CDKN2B-AS1: variants seen among roughly 807,000 people sequenced by gnomAD.
The protein encoded by CDKN2B-AS1 is CDKN2B antisense RNA 1 (non-protein coding).
intron 4 of CDKN2B-AS1, among the ~76,000 whole-genome samples, chr9:22,080,622 T>C (rs909340905): frequency 2.0e-5 from 3 of 152,268 alleles, no homozygotes; most frequent in Non-Finnish European, 2.9e-5. Flanking sequence ...TCCTGTGTTT[T>C]ACCACATCAC....
At chr9:22,008,952 A>C in intron 1 of CDKN2B-AS1, 1 of 1,613,036 alleles carries the variant, frequency 6.2e-7, no homozygotes, top group Non-Finnish European at 8.5e-7. Flanking sequence ...CTCCTCGCGC[A>C]TTCCGCAGCC....
intron 1 of CDKN2B-AS1, among the ~76,000 whole-genome samples, chr9:22,017,144 T>G (rs1410942404): frequency 1.3e-5 from 2 of 152,196 alleles, no homozygotes; most frequent in Non-Finnish European, 2.9e-5. Context: ...ATAAGGAAGT[T>G]GGCGAGGCGC....
intron 1 of CDKN2B-AS1, among the ~76,000 whole-genome samples, chr9:22,037,552 G>A (rs1277336435): frequency 6.6e-6 from 1 of 152,062 alleles, no homozygotes; most frequent in East Asian, 1.9e-4. Context: ...AAACAGGGCA[G>A]GCATCTTCAA....
In CDKN2B-AS1 at chr9:22,094,153, T is replaced by C. The variant is rs182808264; in HGVS notation, n.439-32950T>C. On this transcript the variant is annotated intron_variant and non_coding_transcript_variant, in intron 4 of 4. Coordinates refer to ENST00000650946, the Ensembl canonical transcript of CDKN2B-AS1. ...GAATGTTGAATATTGGCCCCCACTCTCTTCTGGCTTGTAGAGTTTCTACCG... is the reference window on the plus strand; with the variant it reads ...GAATGTTGAATATTGGCCCCCACTCCCTTCTGGCTTGTAGAGTTTCTACCG... Among the ~76,000 whole-genome samples the C allele has an allele frequency of 4.8e-5, 7 of 144,720 alleles. 1 individual carries two copies. The East Asian group carries it at 1.4e-3, about 28-fold the overall frequency. The allele number at this position is 144,720 out of a possible 152,430, so 94.9% of individuals were successfully genotyped here.
chr9:22,040,327 A>T (rs1822848748), intron 1 of CDKN2B-AS1, among the ~76,000 whole-genome samples: 1 of 152,082 alleles, frequency 6.6e-6, no homozygotes, highest in African/African-American at 2.4e-5. Flanking sequence ...TAGAAATTAA[A>T]TGACAAGTTC....
At chr9:22,062,765 A>C in intron 4 of CDKN2B-AS1, among the ~76,000 whole-genome samples, 1 of 151,560 alleles carries the variant, frequency 6.6e-6, no homozygotes, top group Non-Finnish European at 1.5e-5. Context: ...TTTTTTTTAA[A>C]CCTTTCTCAG....
At chr9:22,082,513 C>G (rs1047573235) in intron 4 of CDKN2B-AS1, among the ~76,000 whole-genome samples, 1 of 152,142 alleles carries the variant, frequency 6.6e-6, no homozygotes, top group South Asian at 2.1e-4. Flanking sequence ...TATCTTAATC[C>G]CACTGCACTC....
At chr9:22,041,268 T>G (rs1191740816) in intron 1 of CDKN2B-AS1, among the ~76,000 whole-genome samples, 1 of 152,036 alleles carries the variant, frequency 6.6e-6, no homozygotes, top group Non-Finnish European at 1.5e-5. Flanking sequence ...ATGCTACAGA[T>G]GTACCTGAAC....
chr9:22,070,585 G>A (rs567863026), intron 4 of CDKN2B-AS1, among the ~76,000 whole-genome samples: 10 of 152,240 alleles, frequency 6.6e-5, no homozygotes, highest in South Asian at 4.1e-4. Flanking sequence ...AGGATAGGGC[G>A]TCCTGGGCAG....
At chr9:22,072,434 A>G (rs1824332970) in intron 4 of CDKN2B-AS1, among the ~76,000 whole-genome samples, 1 of 152,194 alleles carries the variant, frequency 6.6e-6, no homozygotes, top group African/African-American at 2.4e-5. Flanking sequence ...GGGGACAGAC[A>G]GAGACACTAG....
At chr9:22,099,179 G>A (rs1017890794) in intron 4 of CDKN2B-AS1, among the ~76,000 whole-genome samples, 6 of 152,106 alleles carry the variant, frequency 3.9e-5, no homozygotes, top group Non-Finnish European at 7.4e-5. Context: ...ATGTACAAAA[G>A]CACAGTTTTG....
intron 4 of CDKN2B-AS1, among the ~76,000 whole-genome samples, chr9:22,122,955 G>A (rs989758821): frequency 6.6e-6 from 1 of 151,806 alleles, no homozygotes; most frequent in Non-Finnish European, 1.5e-5. Context: ...ATTTTGATAG[G>A]GATTGCATTG....
intron 4 of CDKN2B-AS1, among the ~76,000 whole-genome samples, chr9:22,087,725 T>C (rs1219361385): frequency 6.6e-6 from 1 of 152,230 alleles, no homozygotes; most frequent in Non-Finnish European, 1.5e-5. Flanking sequence ...CCTTGTATCA[T>C]CTGCACTAAT....
At position 22,001,037 on chromosome 9, in the gene CDKN2B-AS1, G is replaced by A. The variant is rs1820897603; in HGVS notation, n.29+5876G>A. ...AAGACTAAAAGGTTTTAGCCAAGGGGATGGAAGAATTTGTGCATAGATAGA... is the reference window on the plus strand; with the variant it reads ...AAGACTAAAAGGTTTTAGCCAAGGGAATGGAAGAATTTGTGCATAGATAGA... On this transcript the variant is annotated intron_variant and non_coding_transcript_variant, in intron 1 of 4. Coordinates refer to ENST00000650946, the Ensembl canonical transcript of CDKN2B-AS1. This position sits in a 1 kb window ranked among gnomAD's most constrained non-coding sequence, Gnocchi z 4.2. Among the ~76,000 whole-genome samples the A allele has an allele frequency of 6.6e-6, 1 of 152,138 alleles. No homozygotes were observed. The highest frequency in any genetic ancestry group is 1.9e-4 in the East Asian group (1 of 5,194).
chr9:22,083,897 C>T (rs1216323717), intron 4 of CDKN2B-AS1, among the ~76,000 whole-genome samples: 1 of 152,048 alleles, frequency 6.6e-6, no homozygotes, highest in Non-Finnish European at 1.5e-5. Flanking sequence ...GTGGTGATGG[C>T]GCTATATATT....
At position 22,056,174 on chromosome 9, in the gene CDKN2B-AS1, C is replaced by T. The variant is rs1339565004; in HGVS notation, n.303-78C>T. Reference sequence around the variant, plus strand: ...TCCTGAGTAGCTCGGATTAGAGGCTCCTGCCACCACATCCAGCTAATTTAT... The same window carrying T: ...TCCTGAGTAGCTCGGATTAGAGGCTTCTGCCACCACATCCAGCTAATTTAT... On this transcript the variant is annotated intron_variant and non_coding_transcript_variant, in intron 3 of 4. Transcript: ENST00000650946. 13 of 147,338 alleles carry T rather than the reference C, an allele frequency of 8.8e-5. No homozygotes were observed. The Admixed American group carries it at 8.8e-4, about 10-fold the overall frequency. The allele number at this position is 147,338 out of a possible 1,614,324, so 9.1% of individuals were successfully genotyped here.
chr9:22,045,144 GA>G (rs1481254587), intron 1 of CDKN2B-AS1, among the ~76,000 whole-genome samples: 1 of 151,602 alleles, frequency 6.6e-6, no homozygotes, highest in African/African-American at 2.4e-5. Context: ...ATAGGATTAA[GA>G]GGATAAAGGA....
At position 22,025,721 on chromosome 9, in the gene CDKN2B-AS1, T is replaced by A. The variant is rs185160396; in HGVS notation, n.30-21030T>A. On this transcript the variant is annotated intron_variant and non_coding_transcript_variant, in intron 1 of 4. Coordinates refer to ENST00000650946, the Ensembl canonical transcript of CDKN2B-AS1. ...CTCTGGGAGCTCCATCCCTGGGAAA[T>A]ACAGGCCTGTTGCTGGCCCGAACAC... 1.3e-3 allele frequency among the ~76,000 whole-genome samples: 198 copies of A among 152,204 alleles called. 1 individual carries two copies. The highest frequency in any genetic ancestry group is 4.5e-3 in the African/African-American group (186 of 41,510).
At chr9:22,049,867 G>A (rs141358992) in intron 3 of CDKN2B-AS1, among the ~76,000 whole-genome samples, 4 of 147,966 alleles carry the variant, frequency 2.7e-5, no homozygotes, top group African/African-American at 9.9e-5. Flanking sequence ...TTAATAATTA[G>A]TAGCTATTAT....
Sources: gnomAD v4.1 joint callset for allele counts (sites outside exome capture counted in the v4.1 genomes callset) on GRCh38, gnomAD v4.1.1 for gene constraint, Gnocchi (gnomAD v3.1) non-coding constraint, MANE v1.5 for transcripts, NCBI Gene and HGNC (gene_info 2026-07-23, HGNC 2026-07-21) for gene names.